The following SLC12A8 variants were observed in gnomAD, a reference collection of about 807,000 sequenced individuals.
The protein encoded by SLC12A8 is solute carrier family 12 member 8, also known as cation-chloride cotransporter 9.
Under a neutral mutation model 75.6 loss-of-function variants are expected in SLC12A8, and 69 were observed. The observed-to-expected ratio is 0.91, with a 90% CI of 0.75 to 1.11. The LOEUF is 1.11. SLC12A8 is among the 50% of genes most tolerant of loss of function. SLC12A8 has a pLI of 0.00. For missense variants in SLC12A8, 877 were observed against 896.7 expected, an observed-to-expected ratio of 0.98 and a Z score of 0.28; for synonymous variants, 365 against 372.8, an observed-to-expected ratio of 0.98 and a Z score of 0.24.
chr3:125,118,693 G>A, intron 8 of SLC12A8, 76 bp downstream of exon 8: 1 of 998,126 alleles, frequency 1.0e-6, no homozygotes. Flanking sequence ...GCAAGGGGAA[G>A]GTGGCCATTT....
chr3:125,153,307 C>T (rs1458164687), intron 5 of SLC12A8, among the ~76,000 whole-genome samples: 2 of 152,154 alleles, frequency 1.3e-5, no homozygotes. Context: ...AAACAATGAC[C>T]TCTGCATTTC....
intron 2 of SLC12A8, among the ~76,000 whole-genome samples, chr3:125,200,816 C>T (rs1935105162): frequency 6.6e-6 from 1 of 152,148 alleles, no homozygotes. Flanking sequence ...GGAGTCATGG[C>T]TTTCGGTTTT....
At chr3:125,167,773 A>G (rs1176341798) in intron 5 of SLC12A8, among the ~76,000 whole-genome samples, 2 of 152,244 alleles carry the variant, frequency 1.3e-5, no homozygotes, top group Non-Finnish European at 2.9e-5. Context: ...GGCATGGTGA[A>G]GAGAATTCCA....
intron 8 of SLC12A8, among the ~76,000 whole-genome samples, chr3:125,117,665 C>T (rs1486500425): frequency 6.6e-6 from 1 of 152,122 alleles, no homozygotes; most frequent in African/African-American, 2.4e-5. Flanking sequence ...CAGGAGTTCA[C>T]AGAAAAACTC....
At chr3:125,188,141 C>A (rs1221555382) in intron 3 of SLC12A8, among the ~76,000 whole-genome samples, 1 of 152,128 alleles carries the variant, frequency 6.6e-6, no homozygotes, top group Non-Finnish European at 1.5e-5. Flanking sequence ...TGGTGTCCTC[C>A]CACAGTAATG....
intron 10 of SLC12A8, among the ~76,000 whole-genome samples, chr3:125,103,985 G>C (rs1436239374): frequency 7.9e-6 from 1 of 125,978 alleles, no homozygotes; most frequent in African/African-American, 3.2e-5. Flanking sequence ...GGACATTTTA[G>C]TAAAAGCCTC....
At chr3:125,155,281 C>T (rs549238128) in intron 5 of SLC12A8, among the ~76,000 whole-genome samples, 3 of 152,198 alleles carry the variant, frequency 2.0e-5, no homozygotes, top group East Asian at 1.9e-4. Context: ...TGTGAATTGA[C>T]CCAGGACTTT....
intron 5 of SLC12A8, among the ~76,000 whole-genome samples, chr3:125,165,619 G>C (rs756041174): frequency 6.6e-6 from 1 of 152,200 alleles, no homozygotes; most frequent in African/African-American, 2.4e-5. Context: ...TTCCCCATGG[G>C]GGCATGGAGG....
chr3:125,107,534 T>C lies in SLC12A8; in HGVS notation c.1652A>G (p.Tyr551Cys). 1.2e-6 allele frequency: 2 copies of C among 1,614,120 alleles called. No individual in the cohort carries two copies. Among genetic ancestry groups the C allele is most frequent in the East Asian group, 2.2e-5 (1 of 44,878 alleles). Residue 551 changes from tyrosine to cysteine, a missense_variant, in exon 10 of 14, where the codon TAT (tyrosine) becomes TGT (cysteine). Tyr to Cys is a radical substitution (Grantham distance 194). Coordinates refer to ENST00000469902, the MANE Select transcript of SLC12A8 (RefSeq NM_024628.6). The part of the protein sequence containing the change: ...KSEGTQPEGT[Y>C]GEQLVPELCN... ...CAGCTCAGGAACAAGTTGCTCTCCA[T>C]ATGTTCCCTCAGGCTGAGTCCCTTC...
chr3:125,200,967 A>T (rs767061779), intron 2 of SLC12A8, among the ~76,000 whole-genome samples: 6 of 152,200 alleles, frequency 3.9e-5, no homozygotes, highest in Admixed American at 3.9e-4. Context: ...GTGACCATGG[A>T]TGTGATTTAC....
At chr3:125,103,416 C>T (rs1938934987) in intron 10 of SLC12A8, among the ~76,000 whole-genome samples, 1 of 148,054 alleles carries the variant, frequency 6.8e-6, no homozygotes, top group African/African-American at 2.5e-5. Flanking sequence ...ACAAGCCCTG[C>T]TAATGTACAA....
intron 5 of SLC12A8, among the ~76,000 whole-genome samples, chr3:125,163,614 T>A (rs1260247142): frequency 2.0e-5 from 3 of 147,990 alleles, no homozygotes; most frequent in African/African-American, 7.5e-5. Flanking sequence ...AAAAAAAAAT[T>A]AAAAAAAAAG....
intron 2 of SLC12A8, among the ~76,000 whole-genome samples, chr3:125,209,250 C>T (rs894145070): frequency 2.6e-5 from 4 of 152,174 alleles, no homozygotes; most frequent in African/African-American, 9.7e-5. Flanking sequence ...AGGCACATAG[C>T]AAAAAGGATG....
At chr3:125,209,685 C>T (rs1935297622) in intron 2 of SLC12A8, among the ~76,000 whole-genome samples, 1 of 152,208 alleles carries the variant, frequency 6.6e-6, no homozygotes, top group African/African-American at 2.4e-5. Flanking sequence ...AGAAGCAGCT[C>T]ATTTCAATGC....
intron 2 of SLC12A8, among the ~76,000 whole-genome samples, chr3:125,198,938 C>T (rs6798010): frequency 0.57 from 86,577 of 151,494 alleles, 26,391 homozygotes; most frequent in Non-Finnish European, 0.69. Flanking sequence ...CCACCACGCC[C>T]GGCTAATTTT....
intron 6 of SLC12A8, among the ~76,000 whole-genome samples, chr3:125,131,095 A>G (rs189594567): frequency 4.7e-4 from 72 of 152,370 alleles, no homozygotes; most frequent in Middle Eastern, 6.8e-3. Flanking sequence ...ATCAGATGTT[A>G]ACTTTGTTTA....
chr3:125,150,320 G>A (rs1178981370), intron 5 of SLC12A8, among the ~76,000 whole-genome samples: 1 of 152,180 alleles, frequency 6.6e-6, no homozygotes, highest in Non-Finnish European at 1.5e-5. Flanking sequence ...CAGTCATATT[G>A]GAAGCAAGGC....
At chr3:125,178,637 T>C (rs1934589564) in intron 4 of SLC12A8, among the ~76,000 whole-genome samples, 1 of 152,228 alleles carries the variant, frequency 6.6e-6, no homozygotes, top group Non-Finnish European at 1.5e-5. Flanking sequence ...TTCTGTCCAG[T>C]GGAACATATA....
intron 6 of SLC12A8, among the ~76,000 whole-genome samples, chr3:125,128,177 ATTTTTATTTT>A (rs1560060759): frequency 3.1e-5 from 3 of 98,316 alleles, no homozygotes; most frequent in African/African-American, 6.5e-5. Context: ...GCCTAAGCTT[ATTTTTATTTT>A]TTTTTTTTTT....
Sources: gnomAD v4.1 joint callset for allele counts (sites outside exome capture counted in the v4.1 genomes callset) on GRCh38, gnomAD v4.1.1 for gene constraint, MANE v1.5 for transcripts, NCBI Gene and HGNC (gene_info 2026-07-23, HGNC 2026-07-21) for gene names.